Variants in CHRDL1 observed in about 807,000 individuals in gnomAD.
The protein encoded by CHRDL1 is chordin like 1.
Under a neutral mutation model 40.9 loss-of-function variants are expected in CHRDL1, and 19 were observed. That is an observed-to-expected ratio of 0.46 (90% CI 0.32 to 0.68). The LOEUF (loss-of-function observed/expected upper bound fraction) is 0.68, where lower values mean the gene tolerates loss of function less well. Among genes scored for constraint, CHRDL1 ranks in the 30% least tolerant of loss-of-function variants. The pLI, the probability that CHRDL1 is intolerant of heterozygous loss-of-function variation, is 0.03. For missense variants in CHRDL1, 329 were observed against 352.1 expected, an observed-to-expected ratio of 0.93 and a Z score of 0.53; for synonymous variants, 136 against 123.4, an observed-to-expected ratio of 1.10 and a Z score of -0.68.
chrX:110,689,105 T>C (rs1408357190), intron 8 of CHRDL1, among the ~76,000 whole-genome samples: 1 of 77,203 alleles, frequency 1.3e-5, no homozygotes, highest in Non-Finnish European at 2.4e-5. Flanking sequence ...TATATATATA[T>C]ATATATATTT....
chrX:110,716,235 C>T (rs1394707251), intron 6 of CHRDL1, among the ~76,000 whole-genome samples: 1 of 111,111 alleles, frequency 9.0e-6, no homozygotes. Context: ...TCAACACCAT[C>T]TACCACAGTC....
intron 4 of CHRDL1, among the ~76,000 whole-genome samples, chrX:110,744,476 G>C (rs197036): frequency 0.41 from 45,214 of 109,913 alleles, 10,303 homozygotes; most frequent in African/African-American, 0.88. Flanking sequence ...ATTTTATGTT[G>C]CTATACATGA....
intron 8 of CHRDL1, among the ~76,000 whole-genome samples, chrX:110,690,551 A>G (rs925040933): frequency 9.0e-6 from 1 of 110,720 alleles, no homozygotes; most frequent in Non-Finnish European, 1.9e-5. Context: ...TGCTCTTCCC[A>G]AAGGGACAGT....
At chrX:110,690,373 T>C (rs911330930) in intron 8 of CHRDL1, among the ~76,000 whole-genome samples, 3 of 108,642 alleles carry the variant, frequency 2.8e-5, no homozygotes, top group Non-Finnish European at 5.7e-5. Context: ...CTCATATATA[T>C]ATATGAGAAT....
At chrX:110,697,818 A>ACC (rs1173716242) in intron 7 of CHRDL1, among the ~76,000 whole-genome samples, 1 of 5,862 alleles carries the variant, frequency 1.7e-4, no homozygotes, top group East Asian at 1.1e-3. Flanking sequence ...ACCACTCCAC[A>ACC]CACACACACA....
At chrX:110,714,144 C>G (rs1031376512) in intron 6 of CHRDL1, among the ~76,000 whole-genome samples, 3 of 111,004 alleles carry the variant, frequency 2.7e-5, no homozygotes, top group African/African-American at 9.8e-5. Context: ...AGATTCTTTC[C>G]TGCTTCTCTC....
At chrX:110,750,312 G>A (rs1484610432) in intron 4 of CHRDL1, among the ~76,000 whole-genome samples, 1 of 111,668 alleles carries the variant, frequency 9.0e-6, no homozygotes, top group Non-Finnish European at 1.9e-5. Flanking sequence ...ACTTGGCAGG[G>A]AAGTGGGGGT....
At chrX:110,686,902 A>AAAC (rs1556328861) in intron 9 of CHRDL1, among the ~76,000 whole-genome samples, 7 of 107,092 alleles carry the variant, frequency 6.5e-5, no homozygotes, top group Non-Finnish European at 1.4e-4. Flanking sequence ...AAAAAATAAA[A>AAAC]AAAAAAATAA....
chrX:110,725,661 A>G (rs1458625882), intron 4 of CHRDL1, among the ~76,000 whole-genome samples: 1 of 112,052 alleles, frequency 8.9e-6, no homozygotes, highest in Non-Finnish European at 1.9e-5. Flanking sequence ...GTTCTTGGAT[A>G]GTCAGAAAAG....
intron 8 of CHRDL1, among the ~76,000 whole-genome samples, chrX:110,692,128 C>T (rs929059186): frequency 3.6e-5 from 4 of 111,344 alleles, no homozygotes; most frequent in Admixed American, 9.6e-5. Context: ...AGGAAAAGAA[C>T]GATCCATGAT....
At chrX:110,745,502 C>T (rs761224284) in intron 4 of CHRDL1, among the ~76,000 whole-genome samples, 7 of 111,410 alleles carry the variant, frequency 6.3e-5, no homozygotes, top group South Asian at 3.8e-4. Flanking sequence ...TGCCTCTGCA[C>T]GTGCCCTCCC....
chrX:110,738,602 C>T (rs2071304265), intron 4 of CHRDL1, among the ~76,000 whole-genome samples: 2 of 109,524 alleles, frequency 1.8e-5, no homozygotes, highest in Non-Finnish European at 3.8e-5. Context: ...ATTAGCTCGG[C>T]GTGGTGGCGG....
chrX:110,761,611 G>A (rs763063067), intron 3 of CHRDL1, among the ~76,000 whole-genome samples: 1 of 112,050 alleles, frequency 8.9e-6, no homozygotes, highest in East Asian at 2.8e-4. Flanking sequence ...TTGGTTATTA[G>A]GATTGGGGTT....
chrX:110,788,568 G>A (rs1168649457), intron 2 of CHRDL1, among the ~76,000 whole-genome samples: 4 of 111,633 alleles, frequency 3.6e-5, no homozygotes, highest in Non-Finnish European at 7.5e-5. Context: ...TATGACCCAG[G>A]CCTACTCTTA....
chrX:110,777,335 C>G (rs1433540277), intron 2 of CHRDL1, among the ~76,000 whole-genome samples: 4 of 37,101 alleles, frequency 1.1e-4, no homozygotes, highest in Non-Finnish European at 2.4e-4. Flanking sequence ...GTGGGACATA[C>G]ATTTTAAAAT....
rs956235336 is a variant in CHRDL1, at chrX:110,688,501, T to C, written c.988+93A>G. Reference sequence around the variant, plus strand: ...ATTAGAAATATTATCATTACAATTATATGAAAGGTTATGTTTCTGATGCCT... The same window carrying C: ...ATTAGAAATATTATCATTACAATTACATGAAAGGTTATGTTTCTGATGCCT... On this transcript the variant is annotated intron_variant, in intron 9 of 11. Transcript: ENST00000372042. The C allele has an allele frequency of 1.4e-5, 8 of 557,913 alleles. No homozygotes were observed. The Admixed American group carries it at 2.2e-4, about 15-fold the overall frequency. 46.0% of individuals were successfully genotyped at this position (557,913 alleles called of 1,213,427 possible). A position where few individuals can be genotyped will look rare whatever the true frequency, so the allele number is the denominator to read the frequency against.
intron 2 of CHRDL1, among the ~76,000 whole-genome samples, chrX:110,773,601 G>A (rs762147371): frequency 7.9e-4 from 85 of 107,502 alleles, no homozygotes; most frequent in African/African-American, 2.8e-3. Flanking sequence ...GGTGGCAGGC[G>A]CCTGTAGTCC....
chrX:110,795,129 C>A (rs958445893), intron 1 of CHRDL1, among the ~76,000 whole-genome samples: 44 of 112,227 alleles, frequency 3.9e-4, no homozygotes, highest in African/African-American at 1.4e-3. Context: ...ACTCCACCTT[C>A]AAAATGGGCA....
chrX:110,793,739 G>A (rs974442360), intron 1 of CHRDL1, among the ~76,000 whole-genome samples: 4 of 112,077 alleles, frequency 3.6e-5, no homozygotes, highest in South Asian at 3.7e-4. Flanking sequence ...GGATTTCAAC[G>A]GGTGTTTCTG....
Sources: allele counts gnomAD v4.1 joint callset (sites outside exome capture counted in the v4.1 genomes callset), GRCh38; gene constraint gnomAD v4.1.1; transcripts MANE v1.5; gene names NCBI Gene and HGNC (gene_info 2026-07-23, HGNC 2026-07-21).